The following GMNC variants were observed in gnomAD, a reference collection of about 807,000 sequenced individuals.
GMNC encodes the protein geminin coiled-coil domain-containing protein 1.
Under a neutral mutation model 33.6 loss-of-function variants are expected in GMNC, and 16 were observed. The observed-to-expected ratio is 0.48, with a 90% CI of 0.32 to 0.72. GMNC has a LOEUF of 0.72. GMNC is among the 30% of genes least tolerant of loss of function. GMNC has a pLI of 0.03. For missense variants in GMNC, 393 were observed against 388.9 expected (o/e 1.01, Z -0.09); for synonymous variants, 156 against 147.3 (o/e 1.06, Z -0.43).
rs183865647 is a variant in GMNC, at chr3:190,855,620, G to A, written c.680C>T (p.Pro227Leu). Residue 227 changes from proline (P) to leucine (L), a missense_variant, in exon 5 of 5, where the codon CCG becomes CTG. By Grantham distance (98) the Pro-to-Leu change is moderately conservative (BLOSUM62 -3). Transcript: ENST00000442080. ...ATTTTTATAATCAACTGCATCATCC[G>A]GAAACTGGGAAAATGTGCTGGCGAC... ...RRVASTFSQF[P>L]DDAVDYKNIP... The A allele has an allele frequency of 2.3e-4, 362 of 1,551,492 alleles. No homozygotes were observed. Among genetic ancestry groups the A allele is most frequent in the Admixed American group, 3.7e-4 (19 of 50,980 alleles).
At chr3:190,847,137 G>A in the GMNC span, among the ~76,000 whole-genome samples, 2 of 152,160 alleles carry the variant, frequency 1.3e-5, no homozygotes, top group African/African-American at 4.8e-5. Context: ...AGCTATTGGT[G>A]TCCTTTATCT....
chr3:190,852,307 A>G (rs1737647229), downstream of GMNC, among the ~76,000 whole-genome samples: 1 of 152,150 alleles, frequency 6.6e-6, no homozygotes, highest in African/African-American at 2.4e-5. Flanking sequence ...TAAATCAAAT[A>G]GATAATTTTT....
chr3:190,855,689 G>A lies in GMNC; in HGVS notation c.611C>T (p.Thr204Ile), dbSNP rs773338008. 6.4e-7 allele frequency: 1 copy of A among 1,551,464 alleles called. No homozygotes were observed. Among genetic ancestry groups the A allele is most frequent in the Non-Finnish European group, 8.7e-7 (1 of 1,146,914 alleles). ...GLKDLDTIDDTSSANYSALAS... is the reference protein window; with the variant it reads ...GLKDLDTIDDISSANYSALAS... ...GAGGGCACTGTAGTTAGCTGATGAG[G>A]TGTCATCGATAGTGTCAAGGTCTTT... The change falls in exon 5 of 5, where the codon ACC (threonine) becomes ATC (isoleucine). Residue 204 changes from threonine (T) to isoleucine (I), a missense_variant. Transcript: ENST00000442080.
At chr3:190,860,652 A>C (rs1338514418) in intron 2 of GMNC, 32 bp downstream of exon 2, 1 of 1,524,002 alleles carries the variant, frequency 6.6e-7, no homozygotes, top group South Asian at 1.2e-5. Flanking sequence ...AGAGCTCCAG[A>C]TCTATCAGGG....
Position 190,857,909 on chromosome 3 carries a change from G to A in GMNC, c.268-10C>T, listed in dbSNP as rs1007005980. 1.4e-6 allele frequency: 2 copies of A among 1,443,048 alleles called. No individual in the cohort carries two copies. The highest frequency in any genetic ancestry group is 1.9e-6 in the Non-Finnish European group (2 of 1,048,044). 89.4% of individuals were successfully genotyped at this position (1,443,048 alleles called of 1,614,324 possible). On this transcript the variant is annotated splice_polypyrimidine_tract_variant and intron_variant, in intron 3 of 4. Coordinates refer to ENST00000442080, the MANE Select transcript of GMNC (RefSeq NM_001146686.3). The stretch of plus-strand genomic sequence containing the variant: ...CCAGGGTATCTTGCAGCTACAAAAA[G>A]CAGACAGTGGTGAAGGCTGCTCCAC...
At position 190,854,253 on chromosome 3, in the gene GMNC, G is replaced by C. The variant is rs78540933; in HGVS notation, c.*1042C>G. On this transcript the variant is annotated 3_prime_UTR_variant, in exon 5 of 5. Coordinates refer to ENST00000442080, the MANE Select transcript of GMNC (RefSeq NM_001146686.3). ...ACTGAACCTTCACAAAAGGGAAGTC[G>C]TTTTCGCAAAGTCATAGCAGATGAG... is the stretch of plus-strand genomic sequence containing the variant. 1.1e-4 allele frequency: 16 copies of C among 152,110 alleles called. No individual in the cohort carries two copies. The highest frequency in any genetic ancestry group is 1.2e-4 in the Non-Finnish European group (8 of 68,016). 9.4% of individuals were successfully genotyped at this position (152,110 alleles called of 1,614,324 possible). A position where few individuals can be genotyped will look rare whatever the true frequency, so the allele number is the denominator to read the frequency against.
At chr3:190,852,288 T>G (rs778809362), downstream of GMNC, among the ~76,000 whole-genome samples, 44 of 152,144 alleles carry the variant, frequency 2.9e-4, no homozygotes, top group Non-Finnish European at 4.0e-4. Context: ...AAAAGTCGTT[T>G]TCTTGAATTA....
chr3:190,859,837 A>G (rs569393812), intron 2 of GMNC: 2 of 455,428 alleles, frequency 4.4e-6, no homozygotes, highest in South Asian at 3.1e-5. Context: ...ATTTTTGATT[A>G]AAGTGAAATG....
chr3:190,850,794 G>A (rs186911126), downstream of GMNC, among the ~76,000 whole-genome samples: 1 of 152,182 alleles, frequency 6.6e-6, no homozygotes, highest in Admixed American at 6.5e-5. Flanking sequence ...TTTATCTTGG[G>A]CCTCAACTAT....
chr3:190,860,873 A>T lies in GMNC; in HGVS notation c.4-15T>A. On this transcript the variant is annotated splice_polypyrimidine_tract_variant and intron_variant, in intron 1 of 4. Transcript: ENST00000442080. ...AGAATGGTGTTCTGTGAAATTCAGT[A>T]TGGGGGGAGTGAGGGGTCCCAAAAG... 6.6e-7 allele frequency: 1 copy of T among 1,518,778 alleles called. No individual in the cohort carries two copies. The highest frequency in any genetic ancestry group is 8.9e-7 in the Non-Finnish European group (1 of 1,123,138). The allele number at this position is 1,518,778 out of a possible 1,614,324, so 94.1% of individuals were successfully genotyped here.
the GMNC span, among the ~76,000 whole-genome samples, chr3:190,847,011 G>C: frequency 6.6e-6 from 1 of 152,168 alleles, no homozygotes; most frequent in Non-Finnish European, 1.5e-5. Flanking sequence ...GGAGGAGATG[G>C]TCTTTTCTTG....
At chr3:190,856,033 G>T in intron 4 of GMNC, 118 bp from the exon 5 acceptor site, 2 of 723,412 alleles carry the variant, frequency 2.8e-6, no homozygotes, top group South Asian at 2.3e-5. Context: ...GGATTAGCTT[G>T]TTTGTAAAGT....
chr3:190,852,243 T>A (rs889035993), downstream of GMNC, among the ~76,000 whole-genome samples: 2 of 152,132 alleles, frequency 1.3e-5, no homozygotes, highest in Non-Finnish European at 2.9e-5. Flanking sequence ...ATGCTACAGG[T>A]GGGTTGTTAA....
At chr3:190,858,031 C>G (rs998818351) in intron 3 of GMNC, 132 bp from the exon 4 acceptor site, 1 of 632,212 alleles carries the variant, frequency 1.6e-6, no homozygotes, top group Non-Finnish European at 2.9e-6. Context: ...AGGGAGCCCT[C>G]ATCCTGAGAG....
At chr3:190,851,922 T>G (rs7643090), downstream of GMNC, among the ~76,000 whole-genome samples, 57,607 of 151,466 alleles carry the variant, frequency 0.38, 11,873 homozygotes, top group African/African-American at 0.54. Flanking sequence ...AGTGTTAAAT[T>G]ATATTTAACA....
At position 190,854,999 on chromosome 3, in the gene GMNC, G is replaced by A. The variant is rs1737700250; in HGVS notation, c.*296C>T. On this transcript the variant is annotated 3_prime_UTR_variant, in exon 5 of 5. Coordinates refer to ENST00000442080, the MANE Select transcript of GMNC (RefSeq NM_001146686.3). The stretch of plus-strand genomic sequence containing the variant: ...TGGAAAAATGTATCTAGGTCTTAAA[G>A]GAATATAGAAGTGAGTGGAAAATAC... The A allele has an allele frequency of 3.2e-6, 1 of 312,712 alleles. No individual in the cohort carries two copies. Among genetic ancestry groups the A allele is most frequent in the Admixed American group, 4.4e-5 (1 of 22,654 alleles). The allele number at this position is 312,712 out of a possible 1,614,324, so 19.4% of individuals were successfully genotyped here.
the GMNC span, among the ~76,000 whole-genome samples, chr3:190,846,571 ATATT>A: frequency 1.3e-5 from 2 of 152,304 alleles, no homozygotes; most frequent in African/African-American, 4.8e-5. Flanking sequence ...AGGCTTTGAC[ATATT>A]TATTTGGTAA....
intron 2 of GMNC, among the ~76,000 whole-genome samples, 182 bp downstream of exon 2, chr3:190,860,502 A>G (rs1737836737): frequency 6.6e-6 from 1 of 152,148 alleles, no homozygotes; most frequent in Admixed American, 6.5e-5. Context: ...AAAGAATCCC[A>G]TTTTCACTAT....
the GMNC span, among the ~76,000 whole-genome samples, chr3:190,844,109 C>A: frequency 6.6e-6 from 1 of 151,982 alleles, no homozygotes; most frequent in African/African-American, 2.4e-5. Context: ...AGTCATATAA[C>A]GTTTTTTCTC....
Sources: gnomAD v4.1 joint callset for allele counts (sites outside exome capture counted in the v4.1 genomes callset) on GRCh38, gnomAD v4.1.1 for gene constraint, MANE v1.5 for transcripts, NCBI Gene and HGNC (gene_info 2026-07-23, HGNC 2026-07-21) for gene names.